The following LRP1B variants were observed in gnomAD, a reference collection of about 807,000 sequenced individuals.
LRP1B encodes the protein LDL receptor related protein 1B.
A neutral mutation model predicts 556.6 loss-of-function variants in LRP1B; 217 were observed. The ratio of observed to expected loss-of-function variants is 0.39; its 90% confidence interval spans 0.35 to 0.44. The LOEUF (loss-of-function observed/expected upper bound fraction) is 0.44. Among genes scored for constraint, LRP1B ranks in the 20% least tolerant of loss-of-function variants. The probability of loss-of-function intolerance (pLI) is 1.00; values close to 1 mark genes in which losing one functional copy is unlikely to be tolerated. For synonymous variants in LRP1B, 2,047 were observed against 1,865.8 expected, an observed-to-expected ratio of 1.10 and a Z score of -2.50; for missense variants, 5,053 against 5,620.8, an observed-to-expected ratio of 0.90 and a Z score of 3.23.
intron 17 of LRP1B, among the ~76,000 whole-genome samples, chr2:140,982,850 C>A (rs185780911): frequency 7.9e-6 from 1 of 127,194 alleles, no homozygotes; most frequent in South Asian, 2.7e-4. Context: ...ATACATTTGG[C>A]CTTAAGGTGT....
chr2:141,138,370 G>T (rs568145011), intron 7 of LRP1B, among the ~76,000 whole-genome samples: 1 of 151,848 alleles, frequency 6.6e-6, no homozygotes. Context: ...ACAAGACAGG[G>T]ATCTGCTCTT....
At chr2:141,584,251 G>GA (rs1317934663) in intron 2 of LRP1B, among the ~76,000 whole-genome samples, 3,019 of 136,310 alleles carry the variant, frequency 0.022, 100 homozygotes, top group African/African-American at 0.075. Flanking sequence ...TCTCAAAAAA[G>GA]AAAAAAAAAA....
At chr2:141,074,062 A>G (rs931100228) in intron 7 of LRP1B, among the ~76,000 whole-genome samples, 2 of 152,054 alleles carry the variant, frequency 1.3e-5, no homozygotes, top group African/African-American at 2.4e-5. Flanking sequence ...AACATTACCA[A>G]CAATGGCGAA....
chr2:141,426,060 C>T (rs1347540504), intron 3 of LRP1B, among the ~76,000 whole-genome samples: 3 of 151,904 alleles, frequency 2.0e-5, no homozygotes, highest in Non-Finnish European at 4.4e-5. Context: ...TTAGGTCTAA[C>T]GTTTAAGGCT....
At chr2:142,054,816 G>T (rs1273647746) in intron 1 of LRP1B, among the ~76,000 whole-genome samples, 2 of 151,978 alleles carry the variant, frequency 1.3e-5, no homozygotes, top group Non-Finnish European at 2.9e-5. Flanking sequence ...CAGATATTGT[G>T]GCCATTTTTT....
At chr2:141,943,739 C>T (rs1700881340) in intron 1 of LRP1B, among the ~76,000 whole-genome samples, 1 of 151,922 alleles carries the variant, frequency 6.6e-6, no homozygotes, top group African/African-American at 2.4e-5. Flanking sequence ...AGTCTTAATA[C>T]ATGACTTGAA....
intron 41 of LRP1B, among the ~76,000 whole-genome samples, chr2:140,612,242 A>G (rs185150375): frequency 1.2e-3 from 183 of 152,210 alleles, no homozygotes; most frequent in East Asian, 5.8e-3. Flanking sequence ...AGGAAAGTGT[A>G]TGTTATTTTT....
rs34839276 is a variant in LRP1B, at chr2:141,315,252, A to ATTTTTT, written c.344-60617_344-60612dup. ...TTGTGAGAATTAAAGAATGATTGTA[A>ATTTTTT]TTTTTTTTTTTTTTTTTTTTTTTTT... On this transcript the variant is annotated intron_variant, in intron 3 of 90. Coordinates refer to ENST00000389484, the MANE Select transcript of LRP1B (RefSeq NM_018557.3). 7.5e-4 allele frequency among the ~76,000 whole-genome samples: 58 copies of ATTTTTT among 77,188 alleles called. 1 individual carries two copies. Among genetic ancestry groups the ATTTTTT allele is most frequent in the East Asian group, 8.9e-4 (2 of 2,254 alleles). 50.6% of individuals were successfully genotyped at this position (77,188 alleles called of 152,430 possible).
chr2:141,240,364 T>TC, intron 5 of LRP1B, among the ~76,000 whole-genome samples: 1 of 130,356 alleles, frequency 7.7e-6, no homozygotes, highest in East Asian at 2.3e-4. Flanking sequence ...AATTTTTTTT[T>TC]CTTAAAAAAT....
At chr2:140,606,188 A>G (rs1483912693) in intron 41 of LRP1B, among the ~76,000 whole-genome samples, 1 of 152,078 alleles carries the variant, frequency 6.6e-6, no homozygotes, top group East Asian at 1.9e-4. Flanking sequence ...CAAAAGCAAC[A>G]TACAAAAAAT....
intron 41 of LRP1B, among the ~76,000 whole-genome samples, chr2:140,667,353 GT>G (rs1208011713): frequency 6.6e-6 from 1 of 152,110 alleles, no homozygotes; most frequent in East Asian, 1.9e-4. Flanking sequence ...AACCATTTAA[GT>G]TTCATTTACC....
At chr2:141,955,734 T>C (rs1406679178) in intron 1 of LRP1B, among the ~76,000 whole-genome samples, 1 of 152,060 alleles carries the variant, frequency 6.6e-6, no homozygotes, top group Non-Finnish European at 1.5e-5. Flanking sequence ...ACAGCTACTG[T>C]TGCCCGACCT....
At chr2:142,130,024 G>T (rs1480430380) in intron 1 of LRP1B, among the ~76,000 whole-genome samples, 1 of 152,064 alleles carries the variant, frequency 6.6e-6, no homozygotes, top group Admixed American at 6.6e-5. Context: ...AGAGCACCTG[G>T]GCTGTGTCAC....
At chr2:140,336,343 TAC>T (rs1681096813) in intron 77 of LRP1B, among the ~76,000 whole-genome samples, 1 of 151,944 alleles carries the variant, frequency 6.6e-6, no homozygotes, top group Non-Finnish European at 1.5e-5. Flanking sequence ...TTGGCTTGGT[TAC>T]AGTCTTAGGC....
intron 41 of LRP1B, among the ~76,000 whole-genome samples, chr2:140,691,486 C>A (rs1383024041): frequency 1.7e-5 from 2 of 117,432 alleles, no homozygotes; most frequent in Admixed American, 8.9e-5. Context: ...AAAACTCCAC[C>A]TCAAAAAAAA....
chr2:140,593,064 T>C (rs1343582815), intron 43 of LRP1B, among the ~76,000 whole-genome samples: 2 of 152,234 alleles, frequency 1.3e-5, no homozygotes, highest in Non-Finnish European at 2.9e-5. Context: ...AGTTTATTTA[T>C]TTAACTTGCT....
chr2:140,944,285 C>T (rs1695480805), intron 20 of LRP1B, among the ~76,000 whole-genome samples: 1 of 151,976 alleles, frequency 6.6e-6, no homozygotes, highest in African/African-American at 2.4e-5. Context: ...AAATACCTTA[C>T]CAGGCAAAAG....
Position 140,524,044 on chromosome 2 carries a change from TG to T in LRP1B, c.8026+1799del, listed in dbSNP as rs1214789863. Among the ~76,000 whole-genome samples, 4 of 151,708 alleles carry T rather than the reference TG, an allele frequency of 2.6e-5. No homozygotes were observed. The Admixed American group carries it at 2.6e-4, about 10-fold the overall frequency. On this transcript the variant is annotated intron_variant, in intron 49 of 90. Coordinates refer to ENST00000389484, the MANE Select transcript of LRP1B (RefSeq NM_018557.3). ...CTATCAACAGAGTAAACAGGTACCCTGGGAGAAAATATTTTCCAACTATGTA... is the reference window on the plus strand; with the variant it reads ...CTATCAACAGAGTAAACAGGTACCCTGGAGAAAATATTTTCCAACTATGTA...
At position 140,907,929 on chromosome 2, in the gene LRP1B, G is replaced by T; in HGVS notation, c.3468C>A (p.Leu1156=). The part of the protein sequence containing the change: ...DTSVCLQPEK[L]CNGKKDCPDG... ...CAGGACAATCCTTTTTCCCATTGCA[G>T]AGTTTCTCTGGCTGCAGGCAGACTG... Residue 1156 remains leucine, a synonymous_variant, in exon 22 of 91, where the codon CTC becomes CTA. Transcript: ENST00000389484. 6.2e-7 allele frequency: 1 copy of T among 1,613,602 alleles called. No homozygotes were observed. The highest frequency in any genetic ancestry group is 8.5e-7 in the Non-Finnish European group (1 of 1,179,694).
Sources: gnomAD v4.1 joint callset for allele counts (sites outside exome capture counted in the v4.1 genomes callset) on GRCh38, gnomAD v4.1.1 for gene constraint, MANE v1.5 for transcripts, NCBI Gene and HGNC (gene_info 2026-07-23, HGNC 2026-07-21) for gene names.